SNED1: variants seen among roughly 807,000 people sequenced by gnomAD.
SNED1 encodes sushi, nidogen and EGF-like domain-containing protein 1.
Under a neutral mutation model 166.7 loss-of-function variants are expected in SNED1, and 81 were observed. The observed-to-expected ratio is 0.49, with a 90% confidence interval of 0.41 to 0.58. The LOEUF is 0.58. Ranked by LOEUF, SNED1 falls within the 20% of genes least tolerant of loss-of-function variation. The pLI, the probability that SNED1 is intolerant of heterozygous loss-of-function variation, is 0.00. For synonymous variants in SNED1, 762 were observed against 822.0 expected, an observed-to-expected ratio of 0.93 and a Z score of 1.25; for missense variants, 1,604 against 2,000.2, an observed-to-expected ratio of 0.80 and a Z score of 3.78.
intron 1 of SNED1, among the ~76,000 whole-genome samples, chr2:241,023,888 C>CTTTTTTTTTTTTT (rs34234341): frequency 3.9e-4 from 36 of 92,006 alleles, no homozygotes; most frequent in East Asian, 7.2e-4. Flanking sequence ...TTTTTTTTTC[C>CTTTTTTTTTTTTT]TTTTTTTTTT....
intron 11 of SNED1, among the ~76,000 whole-genome samples, chr2:241,049,592 A>C (rs999795770): frequency 1.3e-5 from 2 of 152,204 alleles, no homozygotes; most frequent in African/African-American, 4.8e-5. Flanking sequence ...GCCTCGTAGA[A>C]GACGGAAGGG....
intron 10 of SNED1, 68 bp from the exon 11 acceptor site, chr2:241,048,954 T>C (rs978463614): frequency 7.7e-6 from 11 of 1,430,724 alleles, no homozygotes; most frequent in Non-Finnish European, 9.6e-6. Context: ...GCCCCATCCT[T>C]GACAAGGACT....
chr2:241,063,773 C>G, intron 18 of SNED1, 73 bp downstream of exon 18: 2 of 1,134,960 alleles, frequency 1.8e-6, no homozygotes, highest in Non-Finnish European at 2.5e-6. Flanking sequence ...GGTGGGGCAT[C>G]CCCACATTCC....
Position 241,033,885 on chromosome 2 carries a change from T to G in SNED1, c.642+10T>G, listed in dbSNP as rs577902124. On this transcript the variant is annotated intron_variant, in intron 3 of 31. Coordinates refer to ENST00000310397, the MANE Select transcript of SNED1 (RefSeq NM_001080437.3). ...GGGCATCGCAGCCCAGGTAGGCGAG[T>G]GCAGTCGGTGCTCTGTGTTCAGAAC... 6.3e-7 allele frequency: 1 copy of G among 1,587,892 alleles called. No homozygotes were observed. Among genetic ancestry groups the G allele is most frequent in the African/African-American group, 1.3e-5 (1 of 74,524 alleles).
chr2:241,041,743 G>A (rs927907799), intron 8 of SNED1, among the ~76,000 whole-genome samples: 9 of 152,090 alleles, frequency 5.9e-5, no homozygotes, highest in East Asian at 5.8e-4. Context: ...TGGTGCTAAC[G>A]TAATGACTGA....
chr2:241,030,133 A>C, intron 1 of SNED1, 151 bp from the exon 2 acceptor site: 1 of 683,954 alleles, frequency 1.5e-6, no homozygotes, highest in Non-Finnish European at 2.5e-6. Flanking sequence ...CATCTCAGGG[A>C]CGGGGGGCTG....
intron 30 of SNED1, chr2:241,087,760 A>AG: frequency 8.4e-7 from 1 of 1,197,558 alleles, no homozygotes; most frequent in Non-Finnish European, 1.1e-6. Context: ...TGGGAAGCAC[A>AG]GGGTGTTACG....
At chr2:241,083,126 G>A (rs760174519) in intron 29 of SNED1, among the ~76,000 whole-genome samples, 2 of 152,232 alleles carry the variant, frequency 1.3e-5, no homozygotes, top group Non-Finnish European at 2.9e-5. Flanking sequence ...GAAAAAGGAC[G>A]AGATGACAGG....
chr2:241,085,626 A>G (rs1014018332), intron 29 of SNED1, among the ~76,000 whole-genome samples: 9 of 152,210 alleles, frequency 5.9e-5, no homozygotes, highest in African/African-American at 1.9e-4. Context: ...TGATTATTCA[A>G]ATGATTCTTG....
rs1366476579 is a variant in SNED1 at position 241,053,189 on chromosome 2, C to T, written c.2120C>T (p.Ala707Val). Residue 707 changes from alanine (A) to valine (V), a missense_variant, in exon 16 of 32, where the codon GCC (alanine) becomes GTC (valine). By Grantham distance (64) the Ala-to-Val change is moderately conservative. Around this residue, in one of 2 missense-constraint regions of SNED1, gnomAD observed 1,237 missense variants for 1,620.8 expected, o/e 0.76. Transcript: ENST00000310397. ...GGCCCCCCGGAGGAGGTGAAGCACG[C>T]CACACTGCGCTTCAACGGCACGCGG... is the stretch of plus-strand genomic sequence containing the variant. Reference protein sequence around the residue: ...DCGPPEEVKHATLRFNGTRLG... With the variant: ...DCGPPEEVKHVTLRFNGTRLG... 1 of 1,611,086 alleles carries T rather than the reference C, an allele frequency of 6.2e-7. No homozygotes were observed. The highest frequency in any genetic ancestry group is 1.7e-5 in the Admixed American group (1 of 59,956).
At position 241,069,589 on chromosome 2, in the gene SNED1, G is replaced by C. The variant is rs571656017; in HGVS notation, c.3308-331G>C. Among the ~76,000 whole-genome samples the C allele has an allele frequency of 1.2e-3, 186 of 152,322 alleles. 1 individual carries two copies. Among genetic ancestry groups the C allele is most frequent in the African/African-American group, 4.4e-3 (183 of 41,580 alleles). On this transcript the variant is annotated intron_variant, in intron 23 of 31. Transcript: ENST00000310397. This position sits in a 1 kb window ranked among gnomAD's most constrained non-coding sequence, Gnocchi z 4.9. The stretch of plus-strand genomic sequence containing the variant: ...GGCATGGGAAAGGCTGGTGGGGCAG[G>C]GGAGTCTGCACAGGGCTCCACGCAG...
rs1481684020 is a variant in SNED1 at position 241,018,722 on chromosome 2, C to T, written c.214-11562C>T. On this transcript the variant is annotated intron_variant, in intron 1 of 31. Coordinates refer to ENST00000310397, the MANE Select transcript of SNED1 (RefSeq NM_001080437.3). The surrounding 1 kb of genome is among the most constrained non-coding windows in gnomAD (Gnocchi z 5.4). The stretch of plus-strand genomic sequence containing the variant: ...CACCCACAGACCACCGCAGATGAAC[C>T]CAGCTAGCAGTGCCGTCAACCAAGC... 6.6e-6 allele frequency among the ~76,000 whole-genome samples: 1 copy of T among 152,174 alleles called. No homozygotes were observed. The highest frequency in any genetic ancestry group is 1.9e-4 in the East Asian group (1 of 5,174).
intron 1 of SNED1, among the ~76,000 whole-genome samples, chr2:241,005,437 C>A: frequency 6.6e-6 from 1 of 151,992 alleles, no homozygotes. Flanking sequence ...TTCCTGGCCT[C>A]AAGTGACCTG....
At chr2:241,074,159 G>T (rs1187906880) in intron 27 of SNED1, 1 of 152,290 alleles carries the variant, frequency 6.6e-6, no homozygotes. Context: ...GTAAAGGTGT[G>T]AGCTGCTGAG....
Position 241,040,284 on chromosome 2 carries a change from C to A in SNED1, c.1160-16C>A. 1 of 1,588,584 alleles carries A rather than the reference C, an allele frequency of 6.3e-7. No individual in the cohort carries two copies. Among genetic ancestry groups the A allele is most frequent in the East Asian group, 2.3e-5 (1 of 43,718 alleles). On this transcript the variant is annotated splice_polypyrimidine_tract_variant and intron_variant, in intron 7 of 31. Transcript: ENST00000310397. Reference sequence around the variant, plus strand: ...GGCCTGGCTCAAGCCAAGCCCGCACCTCTGCTGCCCCTCAGATGTGGACGA... The same window carrying A: ...GGCCTGGCTCAAGCCAAGCCCGCACATCTGCTGCCCCTCAGATGTGGACGA...
intron 16 of SNED1, among the ~76,000 whole-genome samples, chr2:241,055,434 A>C (rs2062013993): frequency 6.6e-6 from 1 of 152,252 alleles, no homozygotes; most frequent in South Asian, 2.1e-4. Context: ...AAACTTCTCA[A>C]CAGCAATATC....
chr2:241,063,807 G>T (rs2062321713), intron 18 of SNED1, 107 bp downstream of exon 18: 3 of 924,738 alleles, frequency 3.2e-6, no homozygotes, highest in Non-Finnish European at 4.9e-6. Flanking sequence ...CACCTGGGGA[G>T]AGGGACCCCC....
chr2:241,026,833 A>G lies in SNED1; in HGVS notation c.214-3451A>G, dbSNP rs1207509233. ...TTCACATTATTGTGTAATCATTACC[A>G]CCATCCACCCACAGAATTCTTTTCA... On this transcript the variant is annotated intron_variant, in intron 1 of 31. Coordinates refer to ENST00000310397, the MANE Select transcript of SNED1 (RefSeq NM_001080437.3). Among the ~76,000 whole-genome samples, 6 of 152,316 alleles carry G rather than the reference A, an allele frequency of 3.9e-5. No homozygotes were observed. In the East Asian group the frequency reaches 1.2e-3, roughly 29 times the overall value.
At position 241,036,942 on chromosome 2, in the gene SNED1, A is replaced by T. The variant is rs1349443897; in HGVS notation, c.931+27A>T. 4 of 1,594,436 alleles carry T rather than the reference A, an allele frequency of 2.5e-6. No homozygotes were observed. In the South Asian group the frequency reaches 4.5e-5, roughly 18 times the overall value. On this transcript the variant is annotated intron_variant, in intron 5 of 31. Coordinates refer to ENST00000310397, the MANE Select transcript of SNED1 (RefSeq NM_001080437.3). ...TGAGTGACTGGCCCAGGGCGGGACCACCCGCTGGCTGCGCTGGGCTCAGGA... is the reference window on the plus strand; with the variant it reads ...TGAGTGACTGGCCCAGGGCGGGACCTCCCGCTGGCTGCGCTGGGCTCAGGA...
Sources: gnomAD v4.1 joint callset for allele counts (sites outside exome capture counted in the v4.1 genomes callset) on GRCh38, gnomAD v4.1.1 for gene constraint, gnomAD v4.1.1 regional missense constraint, Gnocchi (gnomAD v3.1) non-coding constraint, MANE v1.5 for transcripts, NCBI Gene and HGNC (gene_info 2026-07-23, HGNC 2026-07-21) for gene names.